Variants in RRBP1 observed in about 807,000 individuals in gnomAD.
RRBP1 encodes ribosome-binding protein 1.
RRBP1 carries 94 observed loss-of-function variants against 165.2 expected under a neutral mutation model. The observed-to-expected ratio is 0.57, with a 90% CI of 0.48 to 0.68. RRBP1 has a LOEUF of 0.68. Among genes scored for constraint, RRBP1 ranks in the 30% least tolerant of loss-of-function variants. The pLI is 0.00. For missense variants in RRBP1, 1,676 were observed against 1,763.0 expected (o/e 0.95, Z 0.88); for synonymous variants, 680 against 714.5 (o/e 0.95, Z 0.77).
Position 17,635,558 on chromosome 20 carries a change from T to C in RRBP1, c.2444A>G (p.Gln815Arg). 1 of 1,610,748 alleles carries C rather than the reference T, an allele frequency of 6.2e-7. No individual in the cohort carries two copies. The highest frequency in any genetic ancestry group is 8.5e-7 in the Non-Finnish European group (1 of 1,178,810). Reference protein sequence around the residue: ...LRDALNQATSQVESKQNAELA... With the variant: ...LRDALNQATSRVESKQNAELA... ...AAGCTCAGCTTACTTGCTCTCCACCTGGCTCGTGGCCTGGTTCAAGGCATC... is the reference window on the plus strand; with the variant it reads ...AAGCTCAGCTTACTTGCTCTCCACCCGGCTCGTGGCCTGGTTCAAGGCATC... The change falls in exon 7 of 25, where the codon CAG (glutamine) becomes CGG (arginine). Residue 815 changes from glutamine (Q) to arginine (R), a missense_variant. Transcript: ENST00000377813.
intron 8 of RRBP1, among the ~76,000 whole-genome samples, chr20:17,631,547 C>T (rs2036150780): frequency 1.3e-5 from 2 of 152,260 alleles, no homozygotes. Context: ...GTTAGCACAG[C>T]CAATCACACT....
At chr20:17,619,572 A>C (rs2035867369) in intron 19 of RRBP1, 61 bp downstream of exon 19, 2 of 1,211,468 alleles carry the variant, frequency 1.7e-6, no homozygotes, top group Admixed American at 4.5e-5. Flanking sequence ...GAGGAGAAGC[A>C]GCTCAGGGAG....
At chr20:17,646,304 A>G (rs1211709349) in intron 3 of RRBP1, among the ~76,000 whole-genome samples, 1 of 152,232 alleles carries the variant, frequency 6.6e-6, no homozygotes, top group Non-Finnish European at 1.5e-5. Flanking sequence ...ACTCAATAAA[A>G]AACAAATAAA....
rs1487139217 is a variant in RRBP1, at chr20:17,658,723, A to T, written c.1785T>A (p.Asn595Lys). 6.2e-7 allele frequency: 1 copy of T among 1,614,132 alleles called. No individual in the cohort carries two copies. Among genetic ancestry groups the T allele is most frequent in the South Asian group, 1.1e-5 (1 of 91,068 alleles). Residue 595 changes from asparagine (N) to lysine (K), a missense_variant, in exon 3 of 25, where the codon AAT (asparagine) becomes AAA (lysine). Around this residue, in one of 5 missense-constraint regions of RRBP1, gnomAD observed 1,184 missense variants for 1,167.1 expected, o/e 1.01. Transcript: ENST00000377813. ...NQGKKADAAA[N>K]QGKKTESASV... ...AAGCTGACTCTGTCTTTTTACCCTG[A>T]TTGGCAGCTGCGTCTGCCTTTTTGC...
intron 3 of RRBP1, among the ~76,000 whole-genome samples, chr20:17,646,192 A>G (rs147311427): frequency 4.6e-4 from 70 of 152,312 alleles, no homozygotes; most frequent in African/African-American, 1.6e-3. Flanking sequence ...GATAGCTGCA[A>G]TGGGGGAATC....
intron 9 of RRBP1, among the ~76,000 whole-genome samples, chr20:17,628,800 A>T (rs911197664): frequency 4.6e-5 from 7 of 152,248 alleles, no homozygotes; most frequent in Non-Finnish European, 8.8e-5. Flanking sequence ...CCTCTGGAGC[A>T]GGGGCCGGGA....
chr20:17,644,503 T>TC (rs2036428058), intron 3 of RRBP1, among the ~76,000 whole-genome samples: 1 of 152,098 alleles, frequency 6.6e-6, no homozygotes, highest in South Asian at 2.1e-4. Flanking sequence ...CTTCCTGTCT[T>TC]CCCCCTCAGC....
chr20:17,647,174 G>A lies in RRBP1; in HGVS notation c.1913-4047C>T, dbSNP rs537295580. ...TCTAGACACAAAGTATGTACCACCT[G>A]CATACCCAGCAGTTCGTAAATTGCT... On this transcript the variant is annotated intron_variant, in intron 3 of 24. Coordinates refer to ENST00000377813, the MANE Select transcript of RRBP1 (RefSeq NM_001365613.2). Among the ~76,000 whole-genome samples, 364 of 152,360 alleles carry A rather than the reference G, an allele frequency of 2.4e-3. 2 individuals are homozygous for A. The highest frequency in any genetic ancestry group is 4.5e-3 in the Non-Finnish European group (303 of 68,034).
At chr20:17,681,886 C>CGGCGGCA (rs1368232423) in intron 1 of RRBP1, 142 bp downstream of exon 1, 450 of 147,384 alleles carry the variant, frequency 3.1e-3, no homozygotes, top group African/African-American at 9.3e-3. Flanking sequence ...TGCACGGCCG[C>CGGCGGCA]GGCGGCAGGC....
intron 2 of RRBP1, among the ~76,000 whole-genome samples, chr20:17,675,898 G>A (rs879523259): frequency 2.6e-5 from 4 of 152,218 alleles, no homozygotes; most frequent in African/African-American, 7.2e-5. Context: ...AGAGGCTAGA[G>A]AAATAACCCG....
intron 2 of RRBP1, among the ~76,000 whole-genome samples, chr20:17,675,567 G>A (rs6080777): frequency 0.12 from 18,028 of 151,978 alleles, 1,395 homozygotes; most frequent in Middle Eastern, 0.24. Flanking sequence ...GTGGGAGAGC[G>A]TCAGAGGCTG....
intron 7 of RRBP1, among the ~76,000 whole-genome samples, 177 bp from the exon 8 acceptor site, chr20:17,633,790 G>A (rs550849405): frequency 6.6e-6 from 1 of 152,332 alleles, no homozygotes; most frequent in Non-Finnish European, 1.5e-5. Context: ...GTGTTTTGTT[G>A]AAGACATTGT....
intron 18 of RRBP1, among the ~76,000 whole-genome samples, chr20:17,620,073 G>A (rs1427807771): frequency 6.6e-6 from 1 of 152,164 alleles, no homozygotes; most frequent in Admixed American, 6.5e-5. Flanking sequence ...CCAGGGCTGG[G>A]CAGGTCTGCA....
chr20:17,624,706 T>G (rs1270206059), intron 12 of RRBP1, 38 bp from the exon 13 acceptor site: 1 of 1,435,636 alleles, frequency 7.0e-7, no homozygotes, highest in Admixed American at 2.0e-5. Flanking sequence ...CAGCCTGCAC[T>G]GGCAGCACGG....
chr20:17,625,801 C>T (rs981217265), intron 11 of RRBP1, among the ~76,000 whole-genome samples, 199 bp from the exon 12 acceptor site: 2 of 152,156 alleles, frequency 1.3e-5, no homozygotes, highest in Non-Finnish European at 2.9e-5. Flanking sequence ...TCCCCTCCCC[C>T]CGCCATCCAG....
Position 17,660,530 on chromosome 20 carries a change from T to G in RRBP1, c.-21-2A>C. 1 of 1,545,506 alleles carries G rather than the reference T, an allele frequency of 6.5e-7. No individual in the cohort carries two copies. Among genetic ancestry groups the G allele is most frequent in the Non-Finnish European group, 8.9e-7 (1 of 1,121,826 alleles). ...CATCCTGGCTTGCTTTCCTTTCACC[T>G]GTCAAACATACATGGAGGTTACTAT... On this transcript the variant is annotated splice_acceptor_variant, in intron 2 of 24. Transcript: ENST00000377813. LOFTEE classifies it low-confidence loss of function (5UTR_SPLICE).
At position 17,675,509 on chromosome 20, in the gene RRBP1, G is replaced by A. The variant is rs768374059; in HGVS notation, c.-22+4490C>T. 5.3e-5 allele frequency among the ~76,000 whole-genome samples: 8 copies of A among 150,884 alleles called. 1 individual carries two copies. Among genetic ancestry groups the A allele is most frequent in the Non-Finnish European group, 1.0e-4 (7 of 67,794 alleles). On this transcript the variant is annotated intron_variant, in intron 2 of 24. Coordinates refer to ENST00000377813, the MANE Select transcript of RRBP1 (RefSeq NM_001365613.2). ...GTCAGTCAAATACGGGACATGTCAG[G>A]GGGTGATGAAGAGAAAGTGATGCAG... is the stretch of plus-strand genomic sequence containing the variant.
chr20:17,639,894 CAAA>C (rs11476981), intron 5 of RRBP1, among the ~76,000 whole-genome samples: 15 of 98,748 alleles, frequency 1.5e-4, no homozygotes, highest in South Asian at 3.6e-4. Flanking sequence ...ACTCCAGTCT[CAAA>C]AAAAAAAAAA....
chr20:17,661,098 C>T (rs903126705), intron 2 of RRBP1, among the ~76,000 whole-genome samples: 14 of 152,338 alleles, frequency 9.2e-5, no homozygotes, highest in Admixed American at 9.1e-4. Context: ...CCGAACCAAA[C>T]CAAACACATC....
Sources: allele counts gnomAD v4.1 joint callset (sites outside exome capture counted in the v4.1 genomes callset), GRCh38; gene constraint gnomAD v4.1.1; regional missense constraint gnomAD v4.1.1; transcripts MANE v1.5; gene names NCBI Gene and HGNC (gene_info 2026-07-23, HGNC 2026-07-21).